The following HEBP2 variants were observed in gnomAD, a reference collection of about 807,000 sequenced individuals.
HEBP2 encodes the protein heme-binding protein 2.
In HEBP2, 27 loss-of-function variants were observed where a neutral mutation model predicts 23.1. The ratio of observed to expected loss-of-function variants is 1.17; its 90% CI spans 0.86 to 1.61. The LOEUF (loss-of-function observed/expected upper bound fraction) is 1.61, where lower values mean the gene tolerates loss of function less well. Among genes scored for constraint, HEBP2 ranks in the 40% most tolerant of loss-of-function variants. HEBP2 has a pLI of 0.00. For missense variants in HEBP2, 245 were observed against 253.8 expected, an observed-to-expected ratio of 0.97 and a Z score of 0.24; for synonymous variants, 99 against 95.1, an observed-to-expected ratio of 1.04 and a Z score of -0.24.
chr6:138,419,332 C>T lies in HEBP2; in HGVS notation c.*6254C>T, dbSNP rs961654369. On this transcript the variant is annotated 3_prime_UTR_variant, in exon 4 of 4. Coordinates refer to ENST00000607197, the MANE Select transcript of HEBP2 (RefSeq NM_014320.3). ...GATAGCAAATTCACTATGGTAGGCT[C>T]ATTCTTTCCTAGAAGCACCAGCAGT... 1 of 152,230 alleles carries T rather than the reference C, an allele frequency of 6.6e-6. No homozygotes were observed. Among genetic ancestry groups the T allele is most frequent in the Non-Finnish European group, 1.5e-5 (1 of 68,050 alleles). The allele number at this position is 152,230 out of a possible 1,614,324, so 9.4% of individuals were successfully genotyped here. A position where few individuals can be genotyped will look rare whatever the true frequency, so the allele number is the denominator to read the frequency against.
chr6:138,413,286 G>T lies in HEBP2; in HGVS notation c.*208G>T. ...ACAGTAGTCTGTAAACATATAAATC[G>T]GTCATAACTATCGTGGTCTTTATTT... On this transcript the variant is annotated 3_prime_UTR_variant, in exon 4 of 4. Transcript: ENST00000607197. The T allele has an allele frequency of 4.0e-6, 2 of 497,958 alleles. No individual in the cohort carries two copies. The highest frequency in any genetic ancestry group is 7.2e-6 in the Non-Finnish European group (2 of 279,146). The allele number at this position is 497,958 out of a possible 1,614,324, so 30.8% of individuals were successfully genotyped here.
Position 138,404,419 on chromosome 6 carries a change from C to G in HEBP2, c.-77C>G. On this transcript the variant is annotated 5_prime_UTR_variant, in exon 1 of 4. Coordinates refer to ENST00000607197, the MANE Select transcript of HEBP2 (RefSeq NM_014320.3). ...GGGGACTCGGGGCCTCGGCGGGGCG[C>G]GCACACGCAGGCGGGGCGGCCCGGG... is the stretch of plus-strand genomic sequence containing the variant. The G allele has an allele frequency of 1.2e-5, 12 of 1,000,502 alleles. No homozygotes were observed. The highest frequency in any genetic ancestry group is 1.5e-5 in the Non-Finnish European group (12 of 784,744). The allele number at this position is 1,000,502 out of a possible 1,614,324, so 62.0% of individuals were successfully genotyped here.
At chr6:138,406,218 T>A in intron 3 of HEBP2, 67 bp downstream of exon 3, 2 of 1,380,482 alleles carry the variant, frequency 1.4e-6, no homozygotes, top group Non-Finnish European at 2.0e-6. Flanking sequence ...ACAGTTTAGC[T>A]CCAATGCAAT....
rs1196559068 is a variant in HEBP2, at chr6:138,405,127, TTC to T, written c.103-14_103-13del. On this transcript the variant is annotated splice_polypyrimidine_tract_variant and intron_variant, in intron 1 of 3. Coordinates refer to ENST00000607197, the MANE Select transcript of HEBP2 (RefSeq NM_014320.3). ...CCTCTTAGAATTGCTTCTCGAAGTT[TTC>T]TCTGTTCCACTTTAGCCCGGAAGTT... The T allele has an allele frequency of 6.2e-7, 1 of 1,602,954 alleles. No homozygotes were observed. The highest frequency in any genetic ancestry group is 1.1e-5 in the South Asian group (1 of 88,768).
rs563186946 is a variant in HEBP2 at position 138,406,222 on chromosome 6, A to G, written c.419+71A>G. 1.1e-4 allele frequency: 144 copies of G among 1,354,958 alleles called. 2 individuals are homozygous for G. In the Middle Eastern group the frequency reaches 1.3e-3, roughly 12 times the overall value. The allele number at this position is 1,354,958 out of a possible 1,614,324, so 83.9% of individuals were successfully genotyped here. On this transcript the variant is annotated intron_variant, in intron 3 of 3. Coordinates refer to ENST00000607197, the MANE Select transcript of HEBP2 (RefSeq NM_014320.3). ...TGCGTGCACTCACAGTTTAGCTCCA[A>G]TGCAATTTCAAAAGGCTTTTTCACC...
intron 3 of HEBP2, among the ~76,000 whole-genome samples, chr6:138,407,626 C>T (rs1373717596): frequency 6.6e-6 from 1 of 152,208 alleles, no homozygotes; most frequent in Non-Finnish European, 1.5e-5. Flanking sequence ...TCTGGTGTGC[C>T]CGGCTCCCAT....
Position 138,415,632 on chromosome 6 carries a change from T to C in HEBP2, c.*2554T>C, listed in dbSNP as rs1421021683. The C allele has an allele frequency of 6.6e-6, 1 of 152,022 alleles. No homozygotes were observed. 9.4% of individuals were successfully genotyped at this position (152,022 alleles called of 1,614,324 possible). The stretch of plus-strand genomic sequence containing the variant: ...TGTGGTAGCTTGCCAACAATCCTCA[T>C]CTCATGCTGTAGCCAAGCAGAGCAA... On this transcript the variant is annotated 3_prime_UTR_variant, in exon 4 of 4. Transcript: ENST00000607197.
At chr6:138,405,008 T>C in intron 1 of HEBP2, 137 bp from the exon 2 acceptor site, 1 of 910,650 alleles carries the variant, frequency 1.1e-6, no homozygotes, top group Non-Finnish European at 1.7e-6. Context: ...AGCGGGGACC[T>C]CAGGCCGGAC....
Position 138,404,495 on chromosome 6 carries a change from C to A in HEBP2, c.-1C>A. Reference sequence around the variant, plus strand: ...AGGCTCCCAGAGCGTCAGCGCCGCCCATGGCCGAGCCGCTCCAGCCAGACC... The same window carrying A: ...AGGCTCCCAGAGCGTCAGCGCCGCCAATGGCCGAGCCGCTCCAGCCAGACC... On this transcript the variant is annotated 5_prime_UTR_variant, in exon 1 of 4. Coordinates refer to ENST00000607197, the MANE Select transcript of HEBP2 (RefSeq NM_014320.3). 7.8e-7 allele frequency: 1 copy of A among 1,284,684 alleles called. No homozygotes were observed. The highest frequency in any genetic ancestry group is 2.5e-5 in the South Asian group (1 of 40,730). The allele number at this position is 1,284,684 out of a possible 1,614,324, so 79.6% of individuals were successfully genotyped here. A position where few individuals can be genotyped will look rare whatever the true frequency, so the allele number is the denominator to read the frequency against.
intron 1 of HEBP2, among the ~76,000 whole-genome samples, chr6:138,404,875 G>A (rs1364045010): frequency 1.3e-5 from 2 of 152,142 alleles, no homozygotes; most frequent in Non-Finnish European, 2.9e-5. Flanking sequence ...TCCGAACCGA[G>A]GGGGTGTAAT....
chr6:138,410,174 A>G (rs1210585887), intron 3 of HEBP2, among the ~76,000 whole-genome samples: 3 of 152,052 alleles, frequency 2.0e-5, no homozygotes, highest in Non-Finnish European at 4.4e-5. Context: ...ATAGACGGAA[A>G]TTTCTTCAAG....
chr6:138,404,523 G>C lies in HEBP2; in HGVS notation c.28G>C (p.Gly10Arg), dbSNP rs1774600744. 1 of 1,314,782 alleles carries C rather than the reference G, an allele frequency of 7.6e-7. No individual in the cohort carries two copies. The highest frequency in any genetic ancestry group is 9.7e-7 in the Non-Finnish European group (1 of 1,031,546). 81.4% of individuals were successfully genotyped at this position (1,314,782 alleles called of 1,614,324 possible). Reference sequence around the variant, plus strand: ...GGCCGAGCCGCTCCAGCCAGACCCCGGGGCGGCCGAGGACGCGGCGGCCCA... The same window carrying C: ...GGCCGAGCCGCTCCAGCCAGACCCCCGGGCGGCCGAGGACGCGGCGGCCCA... MAEPLQPDP[G>R]AAEDAAAQAV... Residue 10 changes from glycine to arginine, a missense_variant, in exon 1 of 4, where the codon GGG (glycine) becomes CGG (arginine). Transcript: ENST00000607197.
rs115769506 is a variant in HEBP2 at position 138,420,410 on chromosome 6, T to C, written c.*7332T>C. The C allele has an allele frequency of 3.3e-3, 502 of 152,278 alleles. 2 individuals carry two copies. The highest frequency in any genetic ancestry group is 0.012 in the African/African-American group (484 of 41,552). The allele number at this position is 152,278 out of a possible 1,614,324, so 9.4% of individuals were successfully genotyped here. On this transcript the variant is annotated 3_prime_UTR_variant, in exon 4 of 4. Transcript: ENST00000607197. ...GTGTTTTTGGGAAAATGGATCCACA[T>C]AGGCAAGGGGTGGACCATGGCAGGC...
rs1466598196 is a variant in HEBP2, at chr6:138,418,505, A to G, written c.*5427A>G. 1 of 152,306 alleles carries G rather than the reference A, an allele frequency of 6.6e-6. No homozygotes were observed. Among genetic ancestry groups the G allele is most frequent in the Admixed American group, 6.5e-5 (1 of 15,290 alleles). 9.4% of individuals were successfully genotyped at this position (152,306 alleles called of 1,614,324 possible). ...TTAACTAGGTCCTGTGGGAAGCACT[A>G]AGTCATAAGCTAGTAGGATCGGCAG... On this transcript the variant is annotated 3_prime_UTR_variant, in exon 4 of 4. Coordinates refer to ENST00000607197, the MANE Select transcript of HEBP2 (RefSeq NM_014320.3).
upstream of HEBP2, among the ~76,000 whole-genome samples, chr6:138,403,939 G>A (rs1409687141): frequency 1.3e-5 from 2 of 152,152 alleles, no homozygotes; most frequent in Non-Finnish European, 2.9e-5. Context: ...ATTCGCCCTG[G>A]CTGAGCCCCA....
Position 138,417,911 on chromosome 6 carries a change from G to A in HEBP2, c.*4833G>A, listed in dbSNP as rs967352350. 6 of 152,248 alleles carry A rather than the reference G, an allele frequency of 3.9e-5. No individual in the cohort carries two copies. The highest frequency in any genetic ancestry group is 1.4e-4 in the African/African-American group (6 of 41,448). The allele number at this position is 152,248 out of a possible 1,614,324, so 9.4% of individuals were successfully genotyped here. ...CATAATGCATGGGTCATCAGGTGGA[G>A]TCCTCCAACAGGTGTTGCCTTAGTA... is the stretch of plus-strand genomic sequence containing the variant. On this transcript the variant is annotated 3_prime_UTR_variant, in exon 4 of 4. Transcript: ENST00000607197.
intron 3 of HEBP2, among the ~76,000 whole-genome samples, chr6:138,408,018 A>G (rs7772598): frequency 0.013 from 2,034 of 152,314 alleles, 44 homozygotes; most frequent in African/African-American, 0.046. Flanking sequence ...CCAGGCACTG[A>G]AACTTGGCAT....
At chr6:138,412,703 C>T (rs752399795) in intron 3 of HEBP2, among the ~76,000 whole-genome samples, 177 bp from the exon 4 acceptor site, 1 of 152,208 alleles carries the variant, frequency 6.6e-6, no homozygotes, top group Non-Finnish European at 1.5e-5. Context: ...ATCCGCCCAC[C>T]TTGGCCTCCC....
At chr6:138,411,984 A>G (rs1774753680) in intron 3 of HEBP2, 1 of 402,674 alleles carries the variant, frequency 2.5e-6, no homozygotes, top group Non-Finnish European at 4.8e-6. Flanking sequence ...GTATAGAGAG[A>G]GCTGCCAGAA....
Sources: gnomAD v4.1 joint callset for allele counts (sites outside exome capture counted in the v4.1 genomes callset) on GRCh38, gnomAD v4.1.1 for gene constraint, MANE v1.5 for transcripts, NCBI Gene and HGNC (gene_info 2026-07-23, HGNC 2026-07-21) for gene names.